MARCHF1: variants seen among roughly 807,000 people sequenced by gnomAD.
The protein encoded by MARCHF1 is membrane associated ring-CH-type finger 1.
MARCHF1 carries 40 observed loss-of-function variants against 54.2 expected under a neutral mutation model. That is an observed-to-expected ratio of 0.74 (90% confidence interval 0.57 to 0.96). The LOEUF (loss-of-function observed/expected upper bound fraction) is 0.96. MARCHF1 is among the 40% of genes least tolerant of loss of function. The probability of loss-of-function intolerance (pLI) is 0.00; values close to 1 mark genes in which losing one functional copy is unlikely to be tolerated. For synonymous variants in MARCHF1, 236 were observed against 236.3 expected (o/e 1.00, Z 0.01); for missense variants, 586 against 656.5 (o/e 0.89, Z 1.17).
intron 3 of MARCHF1, among the ~76,000 whole-genome samples, chr4:163,908,299 C>T (rs1224921549): frequency 1.3e-5 from 2 of 152,058 alleles, no homozygotes; most frequent in African/African-American, 4.8e-5. Context: ...CTATGACATG[C>T]AGCATGTTTG....
intron 2 of MARCHF1, among the ~76,000 whole-genome samples, chr4:164,095,042 T>C (rs1755380741): frequency 6.6e-6 from 1 of 152,142 alleles, no homozygotes; most frequent in African/African-American, 2.4e-5. Context: ...CACTAATTGT[T>C]AACAATGCTT....
intron 2 of MARCHF1, among the ~76,000 whole-genome samples, chr4:164,053,977 G>A (rs972164130): frequency 1.1e-3 from 173 of 152,200 alleles, no homozygotes; most frequent in Non-Finnish European, 2.2e-3. Flanking sequence ...TACCATCAGA[G>A]TGAACAGGCA....
intron 9 of MARCHF1, among the ~76,000 whole-genome samples, chr4:163,538,034 C>A (rs984595547): frequency 6.6e-6 from 1 of 152,120 alleles, no homozygotes; most frequent in Non-Finnish European, 1.5e-5. Context: ...TTGAAAAGTT[C>A]ACAAATTAGA....
chr4:164,188,602 G>A, intron 1 of MARCHF1: 1 of 867,114 alleles, frequency 1.2e-6, no homozygotes, highest in South Asian at 1.3e-5. Context: ...GGGAATATCT[G>A]ATCGGCGATG....
At chr4:164,303,454 G>A (rs1048151085) in intron 1 of MARCHF1, among the ~76,000 whole-genome samples, 20 of 152,070 alleles carry the variant, frequency 1.3e-4, no homozygotes, top group African/African-American at 3.9e-4. Context: ...TTAACTTTTC[G>A]GAGCTTAGTT....
chr4:163,728,063 T>C (rs775038668), intron 4 of MARCHF1, among the ~76,000 whole-genome samples: 11 of 152,114 alleles, frequency 7.2e-5, no homozygotes, highest in Non-Finnish European at 1.2e-4. Context: ...CTCTCTGTTC[T>C]GTTTCATTGA....
chr4:164,076,244 A>T (rs1475387503), intron 2 of MARCHF1, among the ~76,000 whole-genome samples: 1 of 152,216 alleles, frequency 6.6e-6, no homozygotes, highest in Admixed American at 6.5e-5. Context: ...TGAACAAAAA[A>T]TAAAAAATTA....
intron 1 of MARCHF1, among the ~76,000 whole-genome samples, chr4:164,143,314 A>G (rs1184688169): frequency 6.1e-5 from 9 of 146,370 alleles, no homozygotes; most frequent in African/African-American, 2.3e-4. Flanking sequence ...TTCAGGAAAT[A>G]CAGAGAACGC....
intron 1 of MARCHF1, among the ~76,000 whole-genome samples, chr4:164,342,470 C>G (rs777239031): frequency 6.6e-6 from 1 of 151,772 alleles, no homozygotes; most frequent in Non-Finnish European, 1.5e-5. Context: ...CACATGTATA[C>G]ATATGTAACA....
intron 2 of MARCHF1, among the ~76,000 whole-genome samples, chr4:164,022,039 CCCT>C (rs1453583559): frequency 6.6e-6 from 1 of 151,760 alleles, no homozygotes; most frequent in African/African-American, 2.4e-5. Flanking sequence ...TCCAGTTATT[CCCT>C]CCTATTCTTT....
At chr4:164,054,310 C>G (rs1265806562) in intron 2 of MARCHF1, among the ~76,000 whole-genome samples, 1 of 151,986 alleles carries the variant, frequency 6.6e-6, no homozygotes, top group Non-Finnish European at 1.5e-5. Flanking sequence ...AATAGGAACA[C>G]TTTGACACTG....
intron 8 of MARCHF1, among the ~76,000 whole-genome samples, chr4:163,559,466 C>G (rs1170180942): frequency 6.6e-6 from 1 of 152,094 alleles, no homozygotes; most frequent in African/African-American, 2.4e-5. Context: ...GAAGAAAAAA[C>G]CACATCCATG....
At chr4:163,703,990 G>A (rs1025080752) in intron 4 of MARCHF1, among the ~76,000 whole-genome samples, 4 of 151,760 alleles carry the variant, frequency 2.6e-5, no homozygotes, top group Admixed American at 2.0e-4. Context: ...CCTTTAAAAC[G>A]AAGTGGTCTG....
chr4:163,715,072 C>T (rs1313416992), intron 4 of MARCHF1, among the ~76,000 whole-genome samples: 1 of 152,052 alleles, frequency 6.6e-6, no homozygotes, highest in Non-Finnish European at 1.5e-5. Context: ...AAATTAGAAG[C>T]CACAAAGATA....
At chr4:163,728,311 C>G (rs1745728018) in intron 4 of MARCHF1, among the ~76,000 whole-genome samples, 1 of 152,090 alleles carries the variant, frequency 6.6e-6, no homozygotes, top group Admixed American at 6.5e-5. Context: ...ATTGAATATT[C>G]TGAGAATCAG....
At chr4:163,729,606 CCATTT>C (rs1435127876) in intron 4 of MARCHF1, among the ~76,000 whole-genome samples, 3 of 151,948 alleles carry the variant, frequency 2.0e-5, no homozygotes, top group Non-Finnish European at 4.4e-5. Flanking sequence ...AGAAATTGAT[CCATTT>C]CATCAAGGTT....
chr4:163,680,009 A>T, intron 5 of MARCHF1, among the ~76,000 whole-genome samples: 1 of 146,558 alleles, frequency 6.8e-6, no homozygotes. Flanking sequence ...TTCTAAATTG[A>T]CTAACAACAG....
intron 2 of MARCHF1, among the ~76,000 whole-genome samples, chr4:164,000,749 G>C (rs1753171450): frequency 6.6e-6 from 1 of 151,572 alleles, no homozygotes; most frequent in Admixed American, 6.6e-5. Context: ...TCTGTACTAT[G>C]ACTTTATTGT....
intron 3 of MARCHF1, among the ~76,000 whole-genome samples, chr4:163,905,111 C>A (rs931463460): frequency 2.0e-5 from 3 of 152,048 alleles, no homozygotes; most frequent in African/African-American, 4.8e-5. Flanking sequence ...TACTTTGATA[C>A]CTTGGCAGAG....
Sources: gnomAD v4.1 joint callset for allele counts (sites outside exome capture counted in the v4.1 genomes callset) on GRCh38, gnomAD v4.1.1 for gene constraint, MANE v1.5 for transcripts, NCBI Gene and HGNC (gene_info 2026-07-23, HGNC 2026-07-21) for gene names.